The following PSMD11 variants were observed in gnomAD, a reference collection of about 807,000 sequenced individuals.
PSMD11 encodes the protein proteasome 26S subunit, non-ATPase 11.
PSMD11 carries 5 observed loss-of-function variants against 62.3 expected under a neutral mutation model. The ratio of observed to expected loss-of-function variants is 0.08; its 90% CI spans 0.04 to 0.17. The LOEUF (loss-of-function observed/expected upper bound fraction) is 0.17. Among genes scored for constraint, PSMD11 ranks in the 10% least tolerant of loss-of-function variants. PSMD11 has a pLI of 1.00. For synonymous variants in PSMD11, 191 were observed against 191.8 expected, an observed-to-expected ratio of 1.00 and a Z score of 0.03; for missense variants, 310 against 512.9, an observed-to-expected ratio of 0.60 and a Z score of 3.82.
In PSMD11 at chr17:32,482,234, C is replaced by A. The variant is rs1908516193; in HGVS notation, c.*1482C>A. On this transcript the variant is annotated 3_prime_UTR_variant, in exon 14 of 14. Transcript: ENST00000261712. ...TCCTCTCCAAAATCAGGTTTTTGTTCTCAACATCTTTCCCCATCATGTCTA... is the reference window on the plus strand; with the variant it reads ...TCCTCTCCAAAATCAGGTTTTTGTTATCAACATCTTTCCCCATCATGTCTA... 1 of 152,058 alleles carries A rather than the reference C, an allele frequency of 6.6e-6. No homozygotes were observed. Among genetic ancestry groups the A allele is most frequent in the East Asian group, 1.9e-4 (1 of 5,198 alleles). The allele number at this position is 152,058 out of a possible 1,614,324, so 9.4% of individuals were successfully genotyped here.
intron 8 of PSMD11, among the ~76,000 whole-genome samples, chr17:32,475,458 A>C (rs1254850304): frequency 2.6e-5 from 4 of 151,938 alleles, no homozygotes; most frequent in Non-Finnish European, 5.9e-5. Flanking sequence ...GATTATCACT[A>C]GTAAAGTAAG....
At chr17:32,454,089 C>G (rs1447592669) in intron 2 of PSMD11, among the ~76,000 whole-genome samples, 1 of 152,112 alleles carries the variant, frequency 6.6e-6, no homozygotes, top group African/African-American at 2.4e-5. Context: ...AAAAAATTAC[C>G]CCTATGACCT....
chr17:32,463,919 T>C (rs912523074), intron 3 of PSMD11, 130 bp from the exon 4 acceptor site: 3 of 818,376 alleles, frequency 3.7e-6, no homozygotes, highest in African/African-American at 3.4e-5. Context: ...ATTGAGATAC[T>C]GTGGATCAGA....
chr17:32,459,736 G>A (rs975830148), intron 3 of PSMD11, among the ~76,000 whole-genome samples: 1 of 152,068 alleles, frequency 6.6e-6, no homozygotes, highest in Admixed American at 6.6e-5. Flanking sequence ...TGTGATCTTG[G>A]CTCACTACAA....
intron 6 of PSMD11, 32 bp from the exon 7 acceptor site, chr17:32,473,769 T>A: frequency 6.2e-7 from 1 of 1,609,096 alleles, no homozygotes; most frequent in Middle Eastern, 1.7e-4. Context: ...TATTATTTTA[T>A]ATGTTCTTAT....
At chr17:32,477,436 T>C (rs1277766018) in intron 8 of PSMD11, 85 bp from the exon 9 acceptor site, 37 of 1,145,762 alleles carry the variant, frequency 3.2e-5, no homozygotes, top group Non-Finnish European at 4.2e-5. Context: ...AGAAGTTGTG[T>C]GGACACAGCA....
intron 3 of PSMD11, 22 bp from the exon 4 acceptor site, chr17:32,464,027 G>A: frequency 6.2e-7 from 1 of 1,608,424 alleles, no homozygotes; most frequent in Non-Finnish European, 8.5e-7. Flanking sequence ...AATGTTGCAT[G>A]TACTGTCTCT....
chr17:32,478,848 C>T (rs993374606), intron 9 of PSMD11, among the ~76,000 whole-genome samples: 4 of 152,144 alleles, frequency 2.6e-5, no homozygotes, highest in African/African-American at 9.7e-5. Flanking sequence ...CACCTGAAGC[C>T]TGCAGACAGA....
chr17:32,453,639 T>C (rs1258061539), intron 2 of PSMD11, among the ~76,000 whole-genome samples: 1 of 152,172 alleles, frequency 6.6e-6, no homozygotes, highest in African/African-American at 2.4e-5. Context: ...AGTCTGCAAT[T>C]GGAGAATATT....
At chr17:32,459,922 C>T (rs537770034) in intron 3 of PSMD11, among the ~76,000 whole-genome samples, 15 of 151,816 alleles carry the variant, frequency 9.9e-5, no homozygotes, top group Admixed American at 4.6e-4. Context: ...CCACCACACC[C>T]GGCCTTGTTC....
chr17:32,462,709 G>A (rs564070356), intron 3 of PSMD11, among the ~76,000 whole-genome samples: 2 of 151,650 alleles, frequency 1.3e-5, no homozygotes, highest in South Asian at 4.2e-4. Flanking sequence ...TTTTTGAGAC[G>A]GAGTTTCACT....
intron 2 of PSMD11, among the ~76,000 whole-genome samples, chr17:32,449,287 CCCAG>C (rs1223422948): frequency 6.6e-6 from 1 of 152,064 alleles, no homozygotes; most frequent in East Asian, 1.9e-4. Flanking sequence ...TGCCTGTAGT[CCCAG>C]CTACTCTGGA....
At chr17:32,448,521 C>T (rs1381081422) in intron 2 of PSMD11, among the ~76,000 whole-genome samples, 1 of 151,840 alleles carries the variant, frequency 6.6e-6, no homozygotes, top group Non-Finnish European at 1.5e-5. Flanking sequence ...GCATGCGCCA[C>T]TATGCCCGGC....
chr17:32,450,422 ATTTTTTTTT>A (rs58292122), intron 2 of PSMD11, among the ~76,000 whole-genome samples: 1 of 129,538 alleles, frequency 7.7e-6, no homozygotes, highest in East Asian at 2.1e-4. Context: ...TGCTCGGCTA[ATTTTTTTTT>A]TTTTTTTTTT....
chr17:32,480,976 AAG>A lies in PSMD11; in HGVS notation c.*226_*227del, dbSNP rs1267927225. 2 of 189,168 alleles carry A rather than the reference AAG, an allele frequency of 1.1e-5. No homozygotes were observed. The highest frequency in any genetic ancestry group is 4.7e-5 in the African/African-American group (2 of 42,620). The allele number at this position is 189,168 out of a possible 1,614,324, so 11.7% of individuals were successfully genotyped here. A position where few individuals can be genotyped will look rare whatever the true frequency, so the allele number is the denominator to read the frequency against. ...GGGAAATTGCTTAAAAAAAAAGAAA[AAG>A]AAAAAAAAAAAGATTATTCTAAATA... On this transcript the variant is annotated 3_prime_UTR_variant, in exon 14 of 14. Transcript: ENST00000261712.
chr17:32,460,246 A>G (rs1907785669), intron 3 of PSMD11, among the ~76,000 whole-genome samples: 1 of 151,742 alleles, frequency 6.6e-6, no homozygotes, highest in South Asian at 2.1e-4. Context: ...TTTTTTGTAG[A>G]GATAGGGTCT....
chr17:32,459,136 A>ATATATATG (rs1026381845), intron 3 of PSMD11, among the ~76,000 whole-genome samples: 3 of 142,372 alleles, frequency 2.1e-5, no homozygotes, highest in Non-Finnish European at 3.1e-5. Flanking sequence ...ATATATATAT[A>ATATATATG]TATGTATTTT....
At chr17:32,462,670 C>T (rs1408018282) in intron 3 of PSMD11, among the ~76,000 whole-genome samples, 3 of 152,076 alleles carry the variant, frequency 2.0e-5, no homozygotes, top group Non-Finnish European at 4.4e-5. Context: ...ATAGTTTTTC[C>T]TTCTTACAGC....
At chr17:32,463,902 A>G (rs1337059511) in intron 3 of PSMD11, 147 bp from the exon 4 acceptor site, 5 of 719,464 alleles carry the variant, frequency 6.9e-6, no homozygotes, top group Admixed American at 2.3e-5. Context: ...TGATATAACT[A>G]TTACACATTG....
Sources: allele counts gnomAD v4.1 joint callset (sites outside exome capture counted in the v4.1 genomes callset), GRCh38; gene constraint gnomAD v4.1.1; transcripts MANE v1.5; gene names NCBI Gene and HGNC (gene_info 2026-07-23, HGNC 2026-07-21).